The following HMX1 variants were observed in gnomAD, a reference collection of about 807,000 sequenced individuals.
HMX1 encodes the protein H6 family homeobox 1, also known as homeobox protein HMX1.
In HMX1, 8 loss-of-function variants were observed where a neutral mutation model predicts 8.9. That is an observed-to-expected ratio of 0.90 (90% CI 0.53 to 1.63). HMX1 has a LOEUF of 1.63. Ranked by LOEUF, HMX1 falls within the 40% of genes most tolerant of loss-of-function variation. The probability of loss-of-function intolerance (pLI) is 0.00; values close to 1 mark genes in which losing one functional copy is unlikely to be tolerated. For synonymous variants in HMX1, 311 were observed against 283.4 expected (o/e 1.10, Z -0.98); for missense variants, 621 against 558.5 (o/e 1.11, Z -1.13).
Position 8,871,124 on chromosome 4 carries a change from C to G in HMX1, c.394+97G>C, listed in dbSNP as rs1657150813. The G allele has an allele frequency of 6.6e-6, 8 of 1,204,096 alleles. No homozygotes were observed. Among genetic ancestry groups the G allele is most frequent in the Non-Finnish European group, 8.4e-6 (8 of 947,882 alleles). 74.6% of individuals were successfully genotyped at this position (1,204,096 alleles called of 1,614,324 possible). On this transcript the variant is annotated intron_variant, in intron 1 of 1. Transcript: ENST00000400677. The surrounding 1 kb of genome is among the most constrained non-coding windows in gnomAD (Gnocchi z 4.8). Reference sequence around the variant, plus strand: ...GTTCCACAGAAGGGAGAGGATGGCCCAGAACGGGCGGCGACGAGCCCGAAG... The same window carrying G: ...GTTCCACAGAAGGGAGAGGATGGCCGAGAACGGGCGGCGACGAGCCCGAAG...
intron 1 of HMX1, among the ~76,000 whole-genome samples, chr4:8,857,797 C>T (rs1182676236): frequency 6.6e-6 from 1 of 152,120 alleles, no homozygotes; most frequent in Admixed American, 6.5e-5. Context: ...ACTGCCGCAG[C>T]CCCTCCCTCC....
chr4:8,852,106 G>T (rs1055485675), intron 1 of HMX1, among the ~76,000 whole-genome samples: 5 of 152,256 alleles, frequency 3.3e-5, no homozygotes, highest in Admixed American at 1.3e-4. Flanking sequence ...GCTCCAAGGG[G>T]CTGTGGGCAA....
In HMX1 at chr4:8,871,659, G is replaced by C; in HGVS notation, c.-45C>G. The stretch of plus-strand genomic sequence containing the variant: ...GGCTCGGCCGGGCTCCTCGGTCCCC[G>C]CTGGGGATGGTGGCGCGCGGCTCCC... On this transcript the variant is annotated 5_prime_UTR_variant, in exon 1 of 2. Coordinates refer to ENST00000400677, the MANE Select transcript of HMX1 (RefSeq NM_018942.3). The surrounding 1 kb of genome is among the most constrained non-coding windows in gnomAD (Gnocchi z 4.8). The C allele has an allele frequency of 2.5e-6, 3 of 1,180,482 alleles. No homozygotes were observed. The highest frequency in any genetic ancestry group is 1.6e-5 in the African/African-American group (1 of 61,702). The allele number at this position is 1,180,482 out of a possible 1,614,324, so 73.1% of individuals were successfully genotyped here.
chr4:8,861,471 G>A (rs1019551249), intron 1 of HMX1, among the ~76,000 whole-genome samples: 2 of 152,238 alleles, frequency 1.3e-5, no homozygotes, highest in South Asian at 2.1e-4. Context: ...GGAAAGGGGG[G>A]TAGGGAACGA....
chr4:8,852,475 C>T (rs967507257), intron 1 of HMX1, among the ~76,000 whole-genome samples: 14 of 152,314 alleles, frequency 9.2e-5, no homozygotes, highest in African/African-American at 3.1e-4. Context: ...GCTGAGACTT[C>T]CTCCAGGTCG....
downstream of HMX1, among the ~76,000 whole-genome samples, chr4:8,866,507 C>A (rs1722001209): frequency 6.6e-6 from 1 of 152,358 alleles, no homozygotes; most frequent in Admixed American, 6.5e-5. Flanking sequence ...GGAACGAGCT[C>A]TCCTTCAGAT....
chr4:8,860,363 T>G (rs562833166), intron 1 of HMX1, among the ~76,000 whole-genome samples: 1 of 152,280 alleles, frequency 6.6e-6, no homozygotes, highest in Non-Finnish European at 1.5e-5. Flanking sequence ...CACGGAAGGC[T>G]GTGTACACAG....
At chr4:8,863,485 C>A (rs1721897721), downstream of HMX1, among the ~76,000 whole-genome samples, 1 of 152,244 alleles carries the variant, frequency 6.6e-6, no homozygotes, top group African/African-American at 2.4e-5. Flanking sequence ...GGAAACCTCC[C>A]TGCATGCGGA....
downstream of HMX1, among the ~76,000 whole-genome samples, chr4:8,862,695 T>G (rs1721867741): frequency 1.3e-5 from 2 of 152,220 alleles, no homozygotes; most frequent in South Asian, 4.1e-4. Flanking sequence ...CAGACGTATT[T>G]CCATTTGAAC....
In HMX1 at chr4:8,867,215, G is replaced by A. The variant is rs1722026509; in HGVS notation, c.*478C>T. 1.0e-6 allele frequency: 1 copy of A among 985,934 alleles called. No individual in the cohort carries two copies. The highest frequency in any genetic ancestry group is 1.7e-5 in the African/African-American group (1 of 57,404). 61.1% of individuals were successfully genotyped at this position (985,934 alleles called of 1,614,324 possible). ...TTTCTCCACCAGCACCCGCGAGAGG[G>A]GTAGCACAGCCCTCCGGGCCGGCCT... is the stretch of plus-strand genomic sequence containing the variant. On this transcript the variant is annotated 3_prime_UTR_variant, in exon 2 of 2. Coordinates refer to ENST00000400677, the MANE Select transcript of HMX1 (RefSeq NM_018942.3).
At chr4:8,864,328 C>T (rs867164819), downstream of HMX1, among the ~76,000 whole-genome samples, 1 of 152,198 alleles carries the variant, frequency 6.6e-6, no homozygotes, top group South Asian at 2.1e-4. Context: ...CCAGAGCCCG[C>T]TGCACCCACT....
In HMX1 at chr4:8,867,956, G is replaced by C; in HGVS notation, c.784C>G (p.Leu262Val). 6 of 1,505,310 alleles carry C rather than the reference G, an allele frequency of 4.0e-6. No homozygotes were observed. Among genetic ancestry groups the C allele is most frequent in the Non-Finnish European group, 5.3e-6 (6 of 1,130,098 alleles). 93.2% of individuals were successfully genotyped at this position (1,505,310 alleles called of 1,614,324 possible). The change falls in exon 2 of 2, where the codon CTG (leucine) becomes GTG (valine). Residue 262 changes from leucine to valine, a missense_variant. By Grantham distance (32) the Leu-to-Val change is conservative (BLOSUM62 1). Transcript: ENST00000400677. The stretch of plus-strand genomic sequence containing the variant: ...CTGGCCGCCTCCAGCTCGGCTGCCA[G>C]CTGCCGCTTCCACTTGTTGCGGCGG... Reference protein sequence around the residue: ...QNRRNKWKRQLAAELEAASLS... With the variant: ...QNRRNKWKRQVAAELEAASLS...
chr4:8,871,665 GA>G lies in HMX1; in HGVS notation c.-52del, dbSNP rs1443028189. On this transcript the variant is annotated 5_prime_UTR_variant, in exon 1 of 2. Transcript: ENST00000400677. This position sits in a 1 kb window ranked among gnomAD's most constrained non-coding sequence, Gnocchi z 4.8. ...GCCGGGCTCCTCGGTCCCCGCTGGGGATGGTGGCGCGCGGCTCCCGGGCGCA... is the reference window on the plus strand; with the variant it reads ...GCCGGGCTCCTCGGTCCCCGCTGGGGTGGTGGCGCGCGGCTCCCGGGCGCA... 41 of 1,165,672 alleles carry G rather than the reference GA, an allele frequency of 3.5e-5. No individual in the cohort carries two copies. The African/African-American group carries it at 6.0e-4, about 17-fold the overall frequency. The allele number at this position is 1,165,672 out of a possible 1,614,324, so 72.2% of individuals were successfully genotyped here.
chr4:8,868,411 C>G lies in HMX1; in HGVS notation c.395-66G>C, dbSNP rs895393301. 1.1e-5 allele frequency: 13 copies of G among 1,177,992 alleles called. No homozygotes were observed. In the Admixed American group the frequency reaches 1.3e-4, roughly 12 times the overall value. The allele number at this position is 1,177,992 out of a possible 1,614,324, so 73.0% of individuals were successfully genotyped here. A position where few individuals can be genotyped will look rare whatever the true frequency, so the allele number is the denominator to read the frequency against. On this transcript the variant is annotated intron_variant, in intron 1 of 1. Transcript: ENST00000400677. The surrounding 1 kb of genome is among the most constrained non-coding windows in gnomAD (Gnocchi z 4.6). ...TGATTACCAGACTCAATCACTGAGG[C>G]CAGCCGTCCCCACCTTGAGGTCGCT...
rs1013303563 is a variant in HMX1, at chr4:8,848,501, C to T, written c.395-2177G>A. ...AGTACTTGGAATGCCCTAGTTCAAT[C>T]CCCTTGTTTTACAAATAGGAAACCT... On this transcript the variant is annotated intron_variant, in intron 1 of 1. Transcript: ENST00000506970. The surrounding 1 kb of genome is among the most constrained non-coding windows in gnomAD (Gnocchi z 4.1). Among the ~76,000 whole-genome samples, 4 of 152,180 alleles carry T rather than the reference C, an allele frequency of 2.6e-5. No individual in the cohort carries two copies. Among genetic ancestry groups the T allele is most frequent in the African/African-American group, 9.7e-5 (4 of 41,438 alleles).
chr4:8,851,128 C>A (rs1721435784), intron 1 of HMX1, among the ~76,000 whole-genome samples: 1 of 152,250 alleles, frequency 6.6e-6, no homozygotes, highest in Non-Finnish European at 1.5e-5. Flanking sequence ...GCCGTCGTTA[C>A]TGAGCAGGGA....
chr4:8,854,298 T>C (rs1721543101), intron 1 of HMX1, among the ~76,000 whole-genome samples: 1 of 152,224 alleles, frequency 6.6e-6, no homozygotes, highest in South Asian at 2.1e-4. Flanking sequence ...CTGGGCCCCA[T>C]ACAGGCTGAT....
At chr4:8,852,975 A>T (rs1721499484) in intron 1 of HMX1, among the ~76,000 whole-genome samples, 2 of 151,682 alleles carry the variant, frequency 1.3e-5, no homozygotes, top group South Asian at 2.1e-4. Flanking sequence ...AAACTTATCC[A>T]CTAAGGATGG....
In HMX1 at chr4:8,868,448, G is replaced by T; in HGVS notation, c.395-103C>A. On this transcript the variant is annotated intron_variant, in intron 1 of 1. Transcript: ENST00000400677. The surrounding 1 kb of genome is among the most constrained non-coding windows in gnomAD (Gnocchi z 4.6). ...ACCTTGAGGTCGCTCACAGCCACAA[G>T]CAGGAAGACCTTCCAGCACAGGGCT... 1 of 913,910 alleles carries T rather than the reference G, an allele frequency of 1.1e-6. No homozygotes were observed. The highest frequency in any genetic ancestry group is 1.4e-6 in the Non-Finnish European group (1 of 692,208). 56.6% of individuals were successfully genotyped at this position (913,910 alleles called of 1,614,324 possible).
Sources: gnomAD v4.1 joint callset for allele counts (sites outside exome capture counted in the v4.1 genomes callset) on GRCh38, gnomAD v4.1.1 for gene constraint, Gnocchi (gnomAD v3.1) non-coding constraint, MANE v1.5 for transcripts, NCBI Gene and HGNC (gene_info 2026-07-23, HGNC 2026-07-21) for gene names.